Variants in CDH12 observed in about 807,000 individuals in gnomAD.
CDH12 encodes the protein cadherin-12.
A neutral mutation model predicts 74.1 loss-of-function variants in CDH12; 41 were observed. The ratio of observed to expected loss-of-function variants is 0.55; its 90% CI spans 0.43 to 0.72. The LOEUF (loss-of-function observed/expected upper bound fraction) is 0.72, where lower values mean the gene tolerates loss of function less well. Ranked by LOEUF, CDH12 falls within the 30% of genes least tolerant of loss-of-function variation. The pLI is 0.00. For missense variants in CDH12, 945 were observed against 977.2 expected (o/e 0.97, Z 0.44); for synonymous variants, 399 against 355.0 (o/e 1.12, Z -1.39).
chr5:22,561,904 C>CT (rs1388027638), intron 1 of CDH12, among the ~76,000 whole-genome samples: 2 of 151,996 alleles, frequency 1.3e-5, no homozygotes, highest in South Asian at 2.1e-4. Flanking sequence ...AAATAGAAAC[C>CT]TTTTTTTGGA....
intron 1 of CDH12, among the ~76,000 whole-genome samples, chr5:22,760,701 CAA>C (rs1195139726): frequency 1.0e-5 from 1 of 95,400 alleles, no homozygotes; most frequent in Non-Finnish European, 2.1e-5. Context: ...AAAAAAAAAA[CAA>C]AAAAAAAAAG....
chr5:22,013,506 A>T (rs567628908), intron 5 of CDH12, among the ~76,000 whole-genome samples: 1 of 152,112 alleles, frequency 6.6e-6, no homozygotes, highest in South Asian at 2.1e-4. Context: ...TACATATATA[A>T]ATAGATAAAT....
chr5:21,920,682 A>AATAATAATAATAATAATG (rs1426438225), intron 6 of CDH12, among the ~76,000 whole-genome samples: 5 of 149,754 alleles, frequency 3.3e-5, no homozygotes, highest in African/African-American at 1.2e-4. Flanking sequence ...TAATAATAAT[A>AATAATAATAATAATAATG]ATAATAATCT....
At chr5:21,784,707 C>T (rs1746104894) in intron 10 of CDH12, among the ~76,000 whole-genome samples, 1 of 152,138 alleles carries the variant, frequency 6.6e-6, no homozygotes, top group South Asian at 2.1e-4. Flanking sequence ...TTGGAATCAC[C>T]ACTCCAAAGA....
At chr5:21,913,939 C>T (rs1305749219) in intron 6 of CDH12, among the ~76,000 whole-genome samples, 8 of 152,108 alleles carry the variant, frequency 5.3e-5, no homozygotes, top group Non-Finnish European at 7.4e-5. Context: ...CTGCCTCAGT[C>T]TCCCAAAATG....
chr5:22,226,533 C>T (rs1752200833), intron 3 of CDH12, among the ~76,000 whole-genome samples: 1 of 151,894 alleles, frequency 6.6e-6, no homozygotes, highest in African/African-American at 2.4e-5. Flanking sequence ...TCTTATAACC[C>T]TAGAAGCTTA....
At chr5:22,828,859 T>TTA (rs928540676) in intron 1 of CDH12, among the ~76,000 whole-genome samples, 3 of 152,102 alleles carry the variant, frequency 2.0e-5, no homozygotes, top group Admixed American at 2.0e-4. Flanking sequence ...AGTTGTATGT[T>TTA]TATATATATA....
At chr5:22,425,417 G>T (rs781588596) in intron 2 of CDH12, among the ~76,000 whole-genome samples, 26 of 151,228 alleles carry the variant, frequency 1.7e-4, no homozygotes, top group Non-Finnish European at 3.4e-4. Flanking sequence ...GTACTGAAAT[G>T]CATCAATGGG....
At chr5:22,341,129 T>C (rs966723217) in intron 3 of CDH12, among the ~76,000 whole-genome samples, 1 of 152,220 alleles carries the variant, frequency 6.6e-6, no homozygotes, top group Non-Finnish European at 1.5e-5. Context: ...TAAGAACTGC[T>C]TAATTTCTCA....
chr5:22,304,767 C>T (rs1738031701), intron 3 of CDH12, among the ~76,000 whole-genome samples: 1 of 152,168 alleles, frequency 6.6e-6, no homozygotes, highest in South Asian at 2.1e-4. Flanking sequence ...AAAACATAAT[C>T]ACTGTCCCAT....
chr5:22,457,670 C>T (rs1286106508), intron 2 of CDH12, among the ~76,000 whole-genome samples: 1 of 151,668 alleles, frequency 6.6e-6, no homozygotes, highest in East Asian at 1.9e-4. Flanking sequence ...CCTCCACCTC[C>T]CAAGTTCCAG....
chr5:21,851,406 AATGTTTTATAG>A (rs1750459559), intron 7 of CDH12, among the ~76,000 whole-genome samples: 2 of 150,776 alleles, frequency 1.3e-5, no homozygotes, highest in Admixed American at 6.6e-5. Flanking sequence ...GCTCTTGTTT[AATGTTTTATAG>A]ATTATAGATG....
At chr5:22,503,873 C>T (rs1283847432) in intron 2 of CDH12, among the ~76,000 whole-genome samples, 2 of 151,756 alleles carry the variant, frequency 1.3e-5, no homozygotes, top group Non-Finnish European at 2.9e-5. Flanking sequence ...GGCTTAGTAT[C>T]AATTATTCAT....
At chr5:22,323,353 T>C (rs921166479) in intron 3 of CDH12, among the ~76,000 whole-genome samples, 6 of 152,164 alleles carry the variant, frequency 3.9e-5, no homozygotes, top group Non-Finnish European at 7.4e-5. Context: ...CTTATAAAAA[T>C]ACTTTCAAAC....
At chr5:22,139,764 C>T (rs1746683177) in intron 4 of CDH12, among the ~76,000 whole-genome samples, 1 of 151,980 alleles carries the variant, frequency 6.6e-6, no homozygotes. Flanking sequence ...TCCCTATCTT[C>T]CTCCTATCAG....
intron 4 of CDH12, among the ~76,000 whole-genome samples, chr5:22,120,850 C>T (rs7736836): frequency 0.012 from 1,800 of 152,180 alleles, 34 homozygotes; most frequent in African/African-American, 0.04. Context: ...CTCAAATGTA[C>T]AGGTTTTTTA....
intron 6 of CDH12, among the ~76,000 whole-genome samples, chr5:21,855,993 C>T (rs962789786): frequency 5.3e-5 from 8 of 151,580 alleles, no homozygotes; most frequent in Non-Finnish European, 1.2e-4. Context: ...TGAATCTTGG[C>T]TATATTAACA....
At chr5:22,775,256 T>A (rs1747032032) in intron 1 of CDH12, among the ~76,000 whole-genome samples, 1 of 151,974 alleles carries the variant, frequency 6.6e-6, no homozygotes, top group South Asian at 2.1e-4. Flanking sequence ...TTATCATTGT[T>A]ACACAGGAGT....
intron 2 of CDH12, among the ~76,000 whole-genome samples, 176 bp downstream of exon 2, chr5:22,505,094 T>G (rs1203771488): frequency 6.6e-6 from 1 of 152,028 alleles, no homozygotes; most frequent in Non-Finnish European, 1.5e-5. Flanking sequence ...AACTGGTTAC[T>G]TCAAGTTTCA....
Sources: allele counts gnomAD v4.1 joint callset (sites outside exome capture counted in the v4.1 genomes callset), GRCh38; gene constraint gnomAD v4.1.1; transcripts MANE v1.5; gene names NCBI Gene and HGNC (gene_info 2026-07-23, HGNC 2026-07-21).